Variants in EPHA8 observed in about 807,000 individuals in gnomAD.
The protein encoded by EPHA8 is ephrin type-A receptor 8.
A neutral mutation model predicts 103.6 loss-of-function variants in EPHA8; 58 were observed. The observed-to-expected ratio is 0.56, with a 90% CI of 0.45 to 0.70. The LOEUF (loss-of-function observed/expected upper bound fraction) is 0.70. Ranked by LOEUF, EPHA8 falls within the 30% of genes least tolerant of loss-of-function variation. The pLI is 0.00. For missense variants in EPHA8, 1,304 were observed against 1,395.2 expected, an observed-to-expected ratio of 0.93 and a Z score of 1.04; for synonymous variants, 559 against 572.5, an observed-to-expected ratio of 0.98 and a Z score of 0.34.
chr1:22,584,408 A>G (rs1443520130), intron 3 of EPHA8, among the ~76,000 whole-genome samples: 1 of 152,212 alleles, frequency 6.6e-6, no homozygotes, highest in African/African-American at 2.4e-5. Flanking sequence ...TCTGCAACTT[A>G]CAAGCTCTTT....
chr1:22,600,646 G>T lies in EPHA8; in HGVS notation c.2389-15G>T. Reference sequence around the variant, plus strand: ...AGGCCTGGGCAGCCCCTCAACTCTTGTGTGTCCGTCGCAGGGCGGGAAGAT... The same window carrying T: ...AGGCCTGGGCAGCCCCTCAACTCTTTTGTGTCCGTCGCAGGGCGGGAAGAT... On this transcript the variant is annotated splice_polypyrimidine_tract_variant and intron_variant, in intron 13 of 16. Coordinates refer to ENST00000166244, the MANE Select transcript of EPHA8 (RefSeq NM_020526.5). The T allele has an allele frequency of 6.2e-7, 1 of 1,612,378 alleles. No individual in the cohort carries two copies. Among genetic ancestry groups the T allele is most frequent in the Non-Finnish European group, 8.5e-7 (1 of 1,179,514 alleles).
intron 4 of EPHA8, among the ~76,000 whole-genome samples, chr1:22,587,510 G>T (rs1326231928): frequency 6.6e-6 from 1 of 152,166 alleles, no homozygotes; most frequent in Admixed American, 6.5e-5. Flanking sequence ...ACCCATGCCT[G>T]CAGGGCTGCG....
chr1:22,566,824 G>T (rs920484741), intron 1 of EPHA8, among the ~76,000 whole-genome samples: 2 of 152,048 alleles, frequency 1.3e-5, no homozygotes, highest in Admixed American at 1.3e-4. Flanking sequence ...CTTCCTTCAA[G>T]GGACACTCTG....
intron 3 of EPHA8, among the ~76,000 whole-genome samples, chr1:22,579,036 C>A (rs1441252771): frequency 7.6e-6 from 1 of 132,186 alleles, no homozygotes; most frequent in Non-Finnish European, 1.6e-5. Flanking sequence ...AGTATGTATG[C>A]ATGTGTGTGC....
intron 3 of EPHA8, 133 bp from the exon 4 acceptor site, chr1:22,586,347 G>A (rs1011819174): frequency 2.1e-5 from 22 of 1,061,648 alleles, no homozygotes; most frequent in Admixed American, 1.5e-4. Context: ...GGGCAGCACT[G>A]GGCAGTGTGA....
Position 22,590,886 on chromosome 1 carries a change from G to A in EPHA8, c.1315+1680G>A, listed in dbSNP as rs535910995. Among the ~76,000 whole-genome samples, 49 of 151,886 alleles carry A rather than the reference G, an allele frequency of 3.2e-4. No individual in the cohort carries two copies. In the South Asian group the frequency reaches 7.1e-3, roughly 22 times the overall value. The stretch of plus-strand genomic sequence containing the variant: ...ACCCTGCCACACCTGCACCTGCCCC[G>A]CCCTAGGACATGGCACCTCCAGACC... On this transcript the variant is annotated intron_variant, in intron 5 of 16. Transcript: ENST00000166244.
rs11803982 is a variant in EPHA8 at position 22,601,571 on chromosome 1, G to A, written c.2904-56G>A. On this transcript the variant is annotated intron_variant, in intron 16 of 16. Transcript: ENST00000166244. ...GGTCCAGATCCATGGCCCTGGCTGC[G>A]TGCGCGGCTCCCAGCCTCCCAGGCC... 3.8e-3 allele frequency: 6,086 copies of A among 1,585,826 alleles called. 164 individuals carry two copies. The African/African-American group carries it at 0.066, about 17-fold the overall frequency.
chr1:22,569,679 C>T lies in EPHA8; in HGVS notation c.159+326C>T, dbSNP rs1407116567. 9.9e-5 allele frequency among the ~76,000 whole-genome samples: 15 copies of T among 152,178 alleles called. No individual in the cohort carries two copies. Reference sequence around the variant, plus strand: ...AAGGCCAGCCAGGCCTTCCTGCCTTCTGGGTTGCTCCCTCCCTCCCAGCTG... The same window carrying T: ...AAGGCCAGCCAGGCCTTCCTGCCTTTTGGGTTGCTCCCTCCCTCCCAGCTG... On this transcript the variant is annotated intron_variant, in intron 2 of 16. Transcript: ENST00000166244. This position sits in a 1 kb window ranked among gnomAD's most constrained non-coding sequence, Gnocchi z 4.5.
At position 22,601,354 on chromosome 1, in the gene EPHA8, T is replaced by C. The variant is rs1344079366; in HGVS notation, c.2784T>C (p.Gly928=). The change falls in exon 16 of 17, where the codon GGT becomes GGC. Residue 928 remains glycine (G), a synonymous_variant. Coordinates refer to ENST00000166244, the MANE Select transcript of EPHA8 (RefSeq NM_020526.5). ...RSCFDLRGGS[G]GGGGLTVGDW... ...GCTTTGACCTCCGAGGGGGCAGCGGTGGCGGTGGGGGCCTCACCGTGGGGG... is the reference window on the plus strand; with the variant it reads ...GCTTTGACCTCCGAGGGGGCAGCGGCGGCGGTGGGGGCCTCACCGTGGGGG... The C allele has an allele frequency of 6.2e-7, 1 of 1,608,348 alleles. No individual in the cohort carries two copies. Among genetic ancestry groups the C allele is most frequent in the East Asian group, 2.2e-5 (1 of 44,856 alleles).
At position 22,589,988 on chromosome 1, in the gene EPHA8, A is replaced by C. The variant is rs534517131; in HGVS notation, c.1315+782A>C. On this transcript the variant is annotated intron_variant, in intron 5 of 16. Coordinates refer to ENST00000166244, the MANE Select transcript of EPHA8 (RefSeq NM_020526.5). The surrounding 1 kb of genome is among the most constrained non-coding windows in gnomAD (Gnocchi z 4.3). ...AGCACCCAGGGCCACCTGACATAGGAAGTGGCAGAGGCAGGGCTCAAACCC... is the reference window on the plus strand; with the variant it reads ...AGCACCCAGGGCCACCTGACATAGGCAGTGGCAGAGGCAGGGCTCAAACCC... 6.6e-6 allele frequency among the ~76,000 whole-genome samples: 1 copy of C among 152,264 alleles called. No homozygotes were observed. Among genetic ancestry groups the C allele is most frequent in the Non-Finnish European group, 1.5e-5 (1 of 68,012 alleles).
chr1:22,577,883 T>G (rs199832472), intron 3 of EPHA8, among the ~76,000 whole-genome samples: 52 of 98,004 alleles, frequency 5.3e-4, no homozygotes, highest in East Asian at 1.9e-3. Flanking sequence ...GGGCCTGTGT[T>G]CATGAGTGTG....
intron 1 of EPHA8, among the ~76,000 whole-genome samples, chr1:22,566,683 G>A (rs560872185): frequency 8.1e-4 from 123 of 152,300 alleles, no homozygotes; most frequent in South Asian, 3.5e-3. Flanking sequence ...GTCCGGCAGC[G>A]CAAGAGGCAG....
chr1:22,599,644 AG>A (rs1388059424), intron 13 of EPHA8, among the ~76,000 whole-genome samples: 50 of 59,512 alleles, frequency 8.4e-4, no homozygotes, highest in South Asian at 1.4e-3. Flanking sequence ...GAAGGGAGGG[AG>A]GGAAGGAAGG....
chr1:22,593,677 G>A lies in EPHA8; in HGVS notation c.1594G>A (p.Gly532Arg), dbSNP rs560791662. 28 of 1,594,898 alleles carry A rather than the reference G, an allele frequency of 1.8e-5. No homozygotes were observed. Among genetic ancestry groups the A allele is most frequent in the Admixed American group, 5.2e-5 (3 of 57,970 alleles). ...RFSQAMEVET[G>R]KPRPRYDTRT... is the part of the protein sequence containing the mutation. ...CAGCCAGGCCATGGAGGTGGAGACC[G>A]GGAAACCCCGTGAGTGCAGGGAGGG... The change falls in exon 7 of 17, where the codon GGG (glycine) becomes AGG (arginine). Residue 532 changes from glycine (G) to arginine (R), a missense_variant. Transcript: ENST00000166244.
rs115749606 is a variant in EPHA8 at position 22,593,512 on chromosome 1, G to A, written c.1441-12G>A. 792 of 1,611,184 alleles carry A rather than the reference G, an allele frequency of 4.9e-4. 3 individuals are homozygous for A. The African/African-American group carries it at 9.0e-3, about 18-fold the overall frequency. ...AGCAGGGCAGGGCCCACTGACCACC[G>A]TCCCGTGGCAGGACAAGGAGATGCA... On this transcript the variant is annotated splice_polypyrimidine_tract_variant and intron_variant, in intron 6 of 16. Coordinates refer to ENST00000166244, the MANE Select transcript of EPHA8 (RefSeq NM_020526.5).
At position 22,567,885 on chromosome 1, in the gene EPHA8, G is replaced by A. The variant is rs1162295332; in HGVS notation, c.95-1404G>A. On this transcript the variant is annotated intron_variant, in intron 1 of 16. Transcript: ENST00000166244. The surrounding 1 kb of genome is among the most constrained non-coding windows in gnomAD (Gnocchi z 4.2). ...GGGGTCATGGAAGGCAGAGTGAAAG[G>A]GAAAGCTGTGGGACTCTGGAGCCAA... Among the ~76,000 whole-genome samples the A allele has an allele frequency of 5.9e-5, 9 of 152,296 alleles. No homozygotes were observed. The East Asian group carries it at 1.2e-3, about 20-fold the overall frequency.
At position 22,598,291 on chromosome 1, in the gene EPHA8, C is replaced by A. The variant is rs1005594042; in HGVS notation, c.2178+79C>A. On this transcript the variant is annotated intron_variant, in intron 12 of 16. Transcript: ENST00000166244. This position sits in a 1 kb window ranked among gnomAD's most constrained non-coding sequence, Gnocchi z 5.1. ...GGGTGCTGGGAGATAGTGCAAAGCCCTCTAAGCCCCCTCCCTGGCTTGGAC... is the reference window on the plus strand; with the variant it reads ...GGGTGCTGGGAGATAGTGCAAAGCCATCTAAGCCCCCTCCCTGGCTTGGAC... The A allele has an allele frequency of 4.2e-6, 6 of 1,412,972 alleles. No homozygotes were observed. In the East Asian group the frequency reaches 1.4e-4, roughly 32 times the overall value. The allele number at this position is 1,412,972 out of a possible 1,614,324, so 87.5% of individuals were successfully genotyped here.
chr1:22,596,218 G>C, intron 9 of EPHA8, 45 bp downstream of exon 9: 2 of 1,590,734 alleles, frequency 1.3e-6, no homozygotes, highest in Middle Eastern at 3.3e-4. Flanking sequence ...GAAGGCCACA[G>C]GGGGACCCAG....
At chr1:22,599,215 G>T (rs1323714007) in intron 13 of EPHA8, among the ~76,000 whole-genome samples, 168 bp downstream of exon 13, 2 of 152,208 alleles carry the variant, frequency 1.3e-5, no homozygotes, top group Non-Finnish European at 2.9e-5. Flanking sequence ...GCCTTCCTCT[G>T]GGAAATGGGA....
Sources: gnomAD v4.1 joint callset for allele counts (sites outside exome capture counted in the v4.1 genomes callset) on GRCh38, gnomAD v4.1.1 for gene constraint, Gnocchi (gnomAD v3.1) non-coding constraint, MANE v1.5 for transcripts, NCBI Gene and HGNC (gene_info 2026-07-23, HGNC 2026-07-21) for gene names.